ERBB4: variants seen among roughly 807,000 people sequenced by gnomAD.
ERBB4 encodes receptor tyrosine-protein kinase erbB-4.
Under a neutral mutation model 158.0 loss-of-function variants are expected in ERBB4, and 42 were observed. The ratio of observed to expected loss-of-function variants is 0.27; its 90% confidence interval spans 0.21 to 0.34. The LOEUF (loss-of-function observed/expected upper bound fraction) is 0.34, where lower values mean the gene tolerates loss of function less well. Ranked by LOEUF, ERBB4 falls within the 10% of genes least tolerant of loss-of-function variation. The pLI is 1.00. For synonymous variants in ERBB4, 583 were observed against 558.7 expected (o/e 1.04, Z -0.61); for missense variants, 1,333 against 1,624.1 (o/e 0.82, Z 3.08).
At chr2:212,055,921 G>T (rs954615902) in intron 2 of ERBB4, among the ~76,000 whole-genome samples, 7 of 152,244 alleles carry the variant, frequency 4.6e-5, no homozygotes, top group South Asian at 2.1e-4. Flanking sequence ...GAACAAAGCT[G>T]GATGGAGAAT....
intron 3 of ERBB4, among the ~76,000 whole-genome samples, chr2:211,840,855 G>A (rs2077454118): frequency 6.6e-6 from 1 of 152,066 alleles, no homozygotes; most frequent in African/African-American, 2.4e-5. Flanking sequence ...TACAGTATTT[G>A]TTCTCAACAA....
chr2:212,370,957 T>C (rs548260648), intron 1 of ERBB4, among the ~76,000 whole-genome samples: 100 of 152,296 alleles, frequency 6.6e-4, no homozygotes, highest in African/African-American at 2.3e-3. Flanking sequence ...CACATAACCA[T>C]TATTTTCCCT....
intron 1 of ERBB4, among the ~76,000 whole-genome samples, chr2:212,419,735 A>G (rs575153383): frequency 1.6e-4 from 25 of 151,918 alleles, no homozygotes; most frequent in Non-Finnish European, 3.1e-4. Flanking sequence ...TATATATTTT[A>G]TGTTTAAGAC....
chr2:212,297,402 T>C (rs1227838913), intron 1 of ERBB4, among the ~76,000 whole-genome samples: 2 of 151,948 alleles, frequency 1.3e-5, no homozygotes, highest in African/African-American at 4.8e-5. Flanking sequence ...GTAACCTTTG[T>C]GATAAAAGCA....
intron 3 of ERBB4, among the ~76,000 whole-genome samples, chr2:211,849,438 C>T (rs2077665270): frequency 6.6e-6 from 1 of 151,878 alleles, no homozygotes; most frequent in Non-Finnish European, 1.5e-5. Flanking sequence ...TTCAATGAAA[C>T]AGTAGTACCC....
intron 2 of ERBB4, among the ~76,000 whole-genome samples, chr2:212,039,024 G>T (rs541189806): frequency 6.6e-6 from 1 of 152,162 alleles, no homozygotes; most frequent in African/African-American, 2.4e-5. Flanking sequence ...GAATTTAAAT[G>T]GTCAATATCA....
chr2:211,998,627 T>C (rs1412463981), intron 2 of ERBB4, among the ~76,000 whole-genome samples: 1 of 151,814 alleles, frequency 6.6e-6, no homozygotes, highest in Non-Finnish European at 1.5e-5. Context: ...TAAGACAGCA[T>C]TTTGTTTTCT....
At chr2:212,206,883 C>T (rs551443130) in intron 1 of ERBB4, among the ~76,000 whole-genome samples, 10 of 151,728 alleles carry the variant, frequency 6.6e-5, no homozygotes, top group African/African-American at 1.9e-4. Context: ...CCACCGCGCC[C>T]GGCCTAGTCT....
At chr2:211,847,985 A>G (rs1575240175) in intron 3 of ERBB4, among the ~76,000 whole-genome samples, 2 of 152,264 alleles carry the variant, frequency 1.3e-5, no homozygotes, top group South Asian at 4.1e-4. Flanking sequence ...GCAAGGCCAT[A>G]CTAAAAGTAA....
chr2:211,930,130 CAG>C lies in ERBB4; in HGVS notation c.421+17298_421+17299del, dbSNP rs565183724. Among the ~76,000 whole-genome samples, 1,034 of 152,062 alleles carry C rather than the reference CAG, an allele frequency of 6.8e-3. 16 individuals are homozygous for C. Among genetic ancestry groups the C allele is most frequent in the Non-Finnish European group, 8.3e-3 (566 of 67,986 alleles). On this transcript the variant is annotated intron_variant, in intron 3 of 27. Coordinates refer to ENST00000342788, the MANE Select transcript of ERBB4 (RefSeq NM_005235.3). ...TGCTTTAAAAAATAAAATAAAATGA[CAG>C]AGTAATGTTTTATAAACAACTTTTC...
At chr2:211,853,846 A>G (rs1489219124) in intron 3 of ERBB4, among the ~76,000 whole-genome samples, 1 of 152,148 alleles carries the variant, frequency 6.6e-6, no homozygotes. Flanking sequence ...ATGACTCAAT[A>G]AAAAGCAATA....
intron 1 of ERBB4, among the ~76,000 whole-genome samples, chr2:212,199,206 C>T (rs934453222): frequency 6.6e-6 from 1 of 152,098 alleles, no homozygotes; most frequent in Non-Finnish European, 1.5e-5. Flanking sequence ...GGACCCCAAA[C>T]TATTTACAAC....
chr2:211,760,048 C>T (rs981286972), intron 4 of ERBB4, among the ~76,000 whole-genome samples: 1 of 152,152 alleles, frequency 6.6e-6, no homozygotes, highest in Non-Finnish European at 1.5e-5. Context: ...GAGATAAATA[C>T]ATATTTTTTA....
chr2:212,210,634 T>A (rs1305827045), intron 1 of ERBB4, among the ~76,000 whole-genome samples: 5 of 152,110 alleles, frequency 3.3e-5, no homozygotes, highest in Admixed American at 2.6e-4. Context: ...TATTACTGAT[T>A]AGTGAAATTT....
intron 12 of ERBB4, among the ~76,000 whole-genome samples, chr2:211,685,910 T>C (rs1158785662): frequency 6.6e-6 from 1 of 152,198 alleles, no homozygotes; most frequent in Non-Finnish European, 1.5e-5. Flanking sequence ...TTAATTTCTA[T>C]GTCCCCATGT....
chr2:211,713,778 A>G (rs2073797261), intron 7 of ERBB4, 130 bp from the exon 8 acceptor site: 4 of 654,284 alleles, frequency 6.1e-6, no homozygotes, highest in Non-Finnish European at 1.1e-5. Flanking sequence ...TTACCCTTAA[A>G]CAACTCTTTG....
chr2:212,338,464 T>C (rs1560055930), intron 1 of ERBB4, among the ~76,000 whole-genome samples: 1 of 152,118 alleles, frequency 6.6e-6, no homozygotes, highest in Non-Finnish European at 1.5e-5. Context: ...ATATTTAATG[T>C]CTCATTGTGA....
intron 2 of ERBB4, among the ~76,000 whole-genome samples, chr2:212,090,160 A>T (rs1326496004): frequency 6.6e-6 from 1 of 152,192 alleles, no homozygotes; most frequent in Non-Finnish European, 1.5e-5. Flanking sequence ...AAGCTGTGGC[A>T]CTTTGATTTA....
At chr2:211,851,045 T>C (rs943186388) in intron 3 of ERBB4, among the ~76,000 whole-genome samples, 2 of 151,976 alleles carry the variant, frequency 1.3e-5, no homozygotes, top group Non-Finnish European at 2.9e-5. Flanking sequence ...TTGTCTCAGA[T>C]ACTCATATTG....
Sources: allele counts gnomAD v4.1 joint callset (sites outside exome capture counted in the v4.1 genomes callset), GRCh38; gene constraint gnomAD v4.1.1; transcripts MANE v1.5; gene names NCBI Gene and HGNC (gene_info 2026-07-23, HGNC 2026-07-21).